PREX2: variants seen among roughly 807,000 people sequenced by gnomAD.
PREX2 encodes the protein phosphatidylinositol-3,4,5-trisphosphate dependent Rac exchange factor 2, also known as phosphatidylinositol 3,4,5-trisphosphate-dependent Rac exchanger 2 protein.
Under a neutral mutation model 203.2 loss-of-function variants are expected in PREX2, and 107 were observed. That is an observed-to-expected ratio of 0.53 (90% CI 0.45 to 0.62). The LOEUF (loss-of-function observed/expected upper bound fraction) is 0.62, where lower values mean the gene tolerates loss of function less well. Among genes scored for constraint, PREX2 ranks in the 20% least tolerant of loss-of-function variants. The probability of loss-of-function intolerance (pLI) is 0.00; values close to 1 mark genes in which losing one functional copy is unlikely to be tolerated. For missense variants in PREX2, 1,777 were observed against 1,955.9 expected (o/e 0.91, Z 1.72); for synonymous variants, 672 against 663.6 (o/e 1.01, Z -0.19).
At chr8:68,030,705 G>A (rs1192896613) in intron 6 of PREX2, 47 bp downstream of exon 6, 1 of 1,584,304 alleles carries the variant, frequency 6.3e-7, no homozygotes. Context: ...GTTTTATGTT[G>A]CAGGCCTCGT....
rs748724592 is a variant in PREX2 at position 68,060,675 on chromosome 8, G to A, written c.1239-4G>A. 10 of 1,606,542 alleles carry A rather than the reference G, an allele frequency of 6.2e-6. No homozygotes were observed. In the African/African-American group the frequency reaches 1.2e-4, roughly 19 times the overall value. On this transcript the variant is annotated splice_region_variant and splice_polypyrimidine_tract_variant and intron_variant, in intron 10 of 39. Coordinates refer to ENST00000288368, the MANE Select transcript of PREX2 (RefSeq NM_024870.4). ...TTAGCTTTTTCACTGACTTTCTCTT[G>A]CAGCGAATTTGTGTCATGGCTGTTG... is the stretch of plus-strand genomic sequence containing the variant.
intron 8 of PREX2, among the ~76,000 whole-genome samples, chr8:68,046,216 C>G (rs1225322911): frequency 6.6e-6 from 1 of 152,100 alleles, no homozygotes; most frequent in East Asian, 1.9e-4. Flanking sequence ...CCACTTTCTC[C>G]CTTTACTCCC....
chr8:68,217,451 T>C (rs538338914), intron 37 of PREX2, among the ~76,000 whole-genome samples, 165 bp from the exon 38 acceptor site: 1 of 152,336 alleles, frequency 6.6e-6, no homozygotes, highest in African/African-American at 2.4e-5. Flanking sequence ...TGTACCTTTA[T>C]AATCTATTTT....
At chr8:68,087,648 A>C in intron 18 of PREX2, 76 bp from the exon 19 acceptor site, 1 of 1,039,572 alleles carries the variant, frequency 9.6e-7, no homozygotes, top group Non-Finnish European at 1.5e-6. Flanking sequence ...TGAGAGGTGT[A>C]AAGCTGTACA....
intron 7 of PREX2, 116 bp downstream of exon 7, chr8:68,038,408 C>A (rs1428073609): frequency 9.8e-7 from 1 of 1,018,046 alleles, no homozygotes; most frequent in Admixed American, 2.4e-5. Flanking sequence ...CTGTGCTTCC[C>A]AGAGCCCATC....
rs201190724 is a variant in PREX2 at position 68,109,503 on chromosome 8, A to G, written c.3026A>G (p.His1009Arg). 3.1e-6 allele frequency: 5 copies of G among 1,614,090 alleles called. No individual in the cohort carries two copies. Among genetic ancestry groups the G allele is most frequent in the Non-Finnish European group, 4.2e-6 (5 of 1,179,946 alleles). ...SGLSLGQQDG[H>R]GLRYLLKEED... is the part of the protein sequence containing the mutation. The stretch of plus-strand genomic sequence containing the variant: ...CTGTCTCTGGGACAGCAGGATGGCC[A>G]TGGTCTCAGGTATCTGCTAAAAGAA... The change falls in exon 25 of 40, where the codon CAT becomes CGT. Residue 1009 changes from histidine to arginine, a missense_variant. Transcript: ENST00000288368.
intron 14 of PREX2, among the ~76,000 whole-genome samples, chr8:68,074,762 T>C (rs16934154): frequency 0.53 from 80,855 of 152,002 alleles, 21,550 homozygotes; most frequent in South Asian, 0.56. Flanking sequence ...CAGTATGGAC[T>C]GAGACACTGA....
At chr8:68,057,145 T>C (rs995451589) in intron 10 of PREX2, among the ~76,000 whole-genome samples, 1 of 152,212 alleles carries the variant, frequency 6.6e-6, no homozygotes, top group African/African-American at 2.4e-5. Context: ...CTCATGATGG[T>C]GAGTGAATTC....
At position 68,086,854 on chromosome 8, in the gene PREX2, A is replaced by C. The variant is rs575001237; in HGVS notation, c.2028-870A>C. On this transcript the variant is annotated intron_variant, in intron 18 of 39. Transcript: ENST00000288368. ...CTTCATTGCATAAATACTAAAGTGA[A>C]TCATTTTCTTAAAATATTTTGATAC... Among the ~76,000 whole-genome samples, 5 of 152,278 alleles carry C rather than the reference A, an allele frequency of 3.3e-5. No individual in the cohort carries two copies. The South Asian group carries it at 1.0e-3, about 32-fold the overall frequency.
chr8:68,194,777 G>T (rs2129614733), intron 37 of PREX2, among the ~76,000 whole-genome samples: 1 of 148,680 alleles, frequency 6.7e-6, no homozygotes, highest in African/African-American at 2.5e-5. Flanking sequence ...CTCCAGCCTG[G>T]GCAACAGAGC....
intron 34 of PREX2, among the ~76,000 whole-genome samples, chr8:68,148,323 A>G (rs930092301): frequency 5.3e-5 from 8 of 152,214 alleles, no homozygotes; most frequent in Non-Finnish European, 1.2e-4. Flanking sequence ...TTGGTCTGGA[A>G]TGTTAACTTT....
chr8:67,988,823 G>GCC (rs112137790), intron 1 of PREX2, among the ~76,000 whole-genome samples: 86 of 152,324 alleles, frequency 5.6e-4, no homozygotes, highest in African/African-American at 1.9e-3. Flanking sequence ...GAGAGCCTGT[G>GCC]CCCCACCCCA....
intron 37 of PREX2, among the ~76,000 whole-genome samples, chr8:68,216,627 G>A (rs1322512247): frequency 6.6e-6 from 1 of 151,914 alleles, no homozygotes; most frequent in Non-Finnish European, 1.5e-5. Flanking sequence ...GGCTTTCAGG[G>A]GTACTGTAGA....
At chr8:68,046,880 T>C (rs990809066) in intron 8 of PREX2, among the ~76,000 whole-genome samples, 1 of 151,186 alleles carries the variant, frequency 6.6e-6, no homozygotes, top group Non-Finnish European at 1.5e-5. Flanking sequence ...CATGGCTATA[T>C]CCACTAGGTT....
intron 1 of PREX2, among the ~76,000 whole-genome samples, chr8:67,989,496 A>G (rs1159190674): frequency 6.6e-6 from 1 of 152,212 alleles, no homozygotes; most frequent in Non-Finnish European, 1.5e-5. Flanking sequence ...CATTCTTGAT[A>G]CATTACTATA....
intron 30 of PREX2, 123 bp from the exon 31 acceptor site, chr8:68,127,254 AC>A: frequency 1.5e-6 from 1 of 666,854 alleles, no homozygotes; most frequent in Middle Eastern, 3.2e-4. Context: ...TAATGGCAAA[AC>A]CACAACTACT....
chr8:68,078,470 A>C (rs1204583389), intron 15 of PREX2, among the ~76,000 whole-genome samples: 1 of 152,152 alleles, frequency 6.6e-6, no homozygotes, highest in African/African-American at 2.4e-5. Flanking sequence ...GCCTCTTTTT[A>C]ATTATTAATA....
chr8:68,105,120 G>A (rs148556140), intron 23 of PREX2: 273 of 1,366,644 alleles, frequency 2.0e-4, no homozygotes, highest in Admixed American at 5.7e-5. Context: ...TTCAAGAACT[G>A]TACCTTCCAT....
intron 37 of PREX2, among the ~76,000 whole-genome samples, chr8:68,199,119 G>A (rs1394139504): frequency 1.3e-5 from 2 of 148,276 alleles, no homozygotes; most frequent in African/African-American, 5.0e-5. Context: ...CCATCAAGAA[G>A]GCCTTGCTGC....
Sources: gnomAD v4.1 joint callset for allele counts (sites outside exome capture counted in the v4.1 genomes callset) on GRCh38, gnomAD v4.1.1 for gene constraint, MANE v1.5 for transcripts, NCBI Gene and HGNC (gene_info 2026-07-23, HGNC 2026-07-21) for gene names.